WIPI2: variants seen among roughly 807,000 people sequenced by gnomAD.
WIPI2 encodes the protein WD repeat domain phosphoinositide-interacting protein 2.
WIPI2 carries 28 observed loss-of-function variants against 52.3 expected under a neutral mutation model. That is an observed-to-expected ratio of 0.54 (90% confidence interval 0.40 to 0.73). The LOEUF (loss-of-function observed/expected upper bound fraction) is 0.73, where lower values mean the gene tolerates loss of function less well. Among genes scored for constraint, WIPI2 ranks in the 30% least tolerant of loss-of-function variants. WIPI2 has a pLI of 0.00. For missense variants in WIPI2, 506 were observed against 602.9 expected, an observed-to-expected ratio of 0.84 and a Z score of 1.68; for synonymous variants, 268 against 245.0, an observed-to-expected ratio of 1.09 and a Z score of -0.88.
At chr7:5,196,137 C>T (rs1238390194) in intron 2 of WIPI2, among the ~76,000 whole-genome samples, 3 of 151,886 alleles carry the variant, frequency 2.0e-5, no homozygotes, top group Admixed American at 6.6e-5. Flanking sequence ...GTCAAGAGTT[C>T]GAGACCAGAC....
intron 3 of WIPI2, among the ~76,000 whole-genome samples, chr7:5,201,706 A>G (rs1426257764): frequency 1.3e-5 from 2 of 152,228 alleles, no homozygotes; most frequent in African/African-American, 2.4e-5. Flanking sequence ...AGATTGTGCC[A>G]TTGCACTCCA....
intron 7 of WIPI2, among the ~76,000 whole-genome samples, chr7:5,219,515 T>G (rs576372999): frequency 5.0e-4 from 76 of 152,324 alleles, no homozygotes; most frequent in Non-Finnish European, 9.1e-4. Context: ...TGCTCTCATC[T>G]GTGGAGTGAG....
intron 7 of WIPI2, among the ~76,000 whole-genome samples, chr7:5,220,102 C>A (rs904822292): frequency 6.6e-6 from 1 of 152,016 alleles, no homozygotes; most frequent in African/African-American, 2.4e-5. Flanking sequence ...TCCCAAAGTG[C>A]TAGAATTACA....
chr7:5,217,688 G>A (rs1016873714), intron 6 of WIPI2: 13 of 532,582 alleles, frequency 2.4e-5, no homozygotes, highest in African/African-American at 1.9e-4. Flanking sequence ...TCCTCGCCAC[G>A]GGAATGTTTG....
At chr7:5,213,595 A>G (rs1315596868) in intron 3 of WIPI2, among the ~76,000 whole-genome samples, 2 of 152,248 alleles carry the variant, frequency 1.3e-5, no homozygotes, top group Non-Finnish European at 2.9e-5. Flanking sequence ...CATACAGCCT[A>G]GGGGCATAGT....
Position 5,190,240 on chromosome 7 carries a change from G to A in WIPI2, c.-180G>A. The A allele has an allele frequency of 3.2e-6, 1 of 317,154 alleles. No homozygotes were observed. Among genetic ancestry groups the A allele is most frequent in the Non-Finnish European group, 5.5e-6 (1 of 182,130 alleles). 19.6% of individuals were successfully genotyped at this position (317,154 alleles called of 1,614,324 possible). A position where few individuals can be genotyped will look rare whatever the true frequency, so the allele number is the denominator to read the frequency against. On this transcript the variant is annotated 5_prime_UTR_variant, in exon 1 of 13. In the 5' UTR this introduces an upstream ATG that the reference lacks. Transcript: ENST00000288828. ...GGGCGGGGCCGCGCAGGCGTACCGGGTGCCCCGGCTCTGGAGCATAAACAA... is the reference window on the plus strand; with the variant it reads ...GGGCGGGGCCGCGCAGGCGTACCGGATGCCCCGGCTCTGGAGCATAAACAA...
chr7:5,223,521 T>TAGGGA (rs1783256776), intron 8 of WIPI2, among the ~76,000 whole-genome samples: 1 of 152,184 alleles, frequency 6.6e-6, no homozygotes, highest in African/African-American at 2.4e-5. Flanking sequence ...TCTTCTTCCT[T>TAGGGA]ACACCACATC....
chr7:5,222,068 G>A (rs1026203576), intron 7 of WIPI2, among the ~76,000 whole-genome samples: 4 of 150,124 alleles, frequency 2.7e-5, no homozygotes, highest in Admixed American at 6.8e-5. Context: ...TTCTGCCTCA[G>A]CCTCCCGAGT....
intron 3 of WIPI2, among the ~76,000 whole-genome samples, chr7:5,204,958 G>A (rs917632041): frequency 6.6e-6 from 1 of 152,112 alleles, no homozygotes; most frequent in Non-Finnish European, 1.5e-5. Context: ...CTACAGGTGT[G>A]AGCCAACATG....
chr7:5,217,838 T>C (rs978697597), intron 6 of WIPI2, 84 bp from the exon 7 acceptor site: 2 of 1,313,266 alleles, frequency 1.5e-6, no homozygotes, highest in African/African-American at 1.5e-5. Context: ...GAACAGCTAA[T>C]TGGCACTTGC....
rs996492517 is a variant in WIPI2 at position 5,231,216 on chromosome 7, C to T, written c.*269C>T. On this transcript the variant is annotated 3_prime_UTR_variant, in exon 13 of 13. Coordinates refer to ENST00000288828, the MANE Select transcript of WIPI2 (RefSeq NM_015610.4). Reference sequence around the variant, plus strand: ...TGCCAAAATTAACTGTTTGGTGAAGCCCGCAAAACCTCCTCGCTTTGCATG... The same window carrying T: ...TGCCAAAATTAACTGTTTGGTGAAGTCCGCAAAACCTCCTCGCTTTGCATG... 8.2e-6 allele frequency: 3 copies of T among 365,338 alleles called. No individual in the cohort carries two copies. Among genetic ancestry groups the T allele is most frequent in the African/African-American group, 4.2e-5 (2 of 47,476 alleles). 22.6% of individuals were successfully genotyped at this position (365,338 alleles called of 1,614,324 possible).
chr7:5,194,698 C>T (rs1480470621), intron 2 of WIPI2, among the ~76,000 whole-genome samples: 1 of 152,186 alleles, frequency 6.6e-6, no homozygotes, highest in Non-Finnish European at 1.5e-5. Flanking sequence ...TGGTCTCAAA[C>T]TCCTGGCTTC....
intron 7 of WIPI2, among the ~76,000 whole-genome samples, chr7:5,220,785 TTTTC>T (rs573638340): frequency 4.3e-4 from 65 of 151,726 alleles, no homozygotes; most frequent in African/African-American, 9.9e-4. Context: ...TTAGATAGTC[TTTTC>T]TTTCTTTCTT....
In WIPI2 at chr7:5,231,243, A is replaced by G. The variant is rs1175039847; in HGVS notation, c.*296A>G. ...CGCAAAACCTCCTCGCTTTGCATGC[A>G]TGAACGTGCCAAGCCAGCATAGGGG... On this transcript the variant is annotated 3_prime_UTR_variant, in exon 13 of 13. Transcript: ENST00000288828. 3.0e-5 allele frequency: 9 copies of G among 297,336 alleles called. No individual in the cohort carries two copies. In the East Asian group the frequency reaches 5.3e-4, roughly 17 times the overall value. 18.4% of individuals were successfully genotyped at this position (297,336 alleles called of 1,614,324 possible).
chr7:5,193,166 T>C lies in WIPI2; in HGVS notation c.123T>C (p.Val41=). The C allele has an allele frequency of 6.2e-7, 1 of 1,613,648 alleles. No individual in the cohort carries two copies. The highest frequency in any genetic ancestry group is 8.5e-7 in the Non-Finnish European group (1 of 1,180,014). ...SRAAGLGRRA[V]VWSLAVGSKS... The stretch of plus-strand genomic sequence containing the variant: ...CAGCTGGTCTTGGCCGTCGCGCTGT[T>C]GTCTGGTTAGTTCCAACCCTGGTTT... Residue 41 remains valine (V), a synonymous_variant, in exon 2 of 13, where the codon GTT becomes GTC. Transcript: ENST00000288828.
chr7:5,213,448 G>A (rs945307125), intron 3 of WIPI2: 2 of 152,548 alleles, frequency 1.3e-5, no homozygotes, highest in Non-Finnish European at 2.9e-5. Context: ...CCTGTGAGAG[G>A]AGCAGGCCGT....
chr7:5,198,248 C>CAGAG (rs1002680177), intron 2 of WIPI2, among the ~76,000 whole-genome samples: 5 of 152,054 alleles, frequency 3.3e-5, no homozygotes, highest in Non-Finnish European at 5.9e-5. Context: ...TGCAGAAGCA[C>CAGAG]AGAGAGATGC....
Position 5,230,986 on chromosome 7 carries a change from C to T in WIPI2, c.*39C>T. 6.4e-7 allele frequency: 1 copy of T among 1,565,868 alleles called. No homozygotes were observed. The highest frequency in any genetic ancestry group is 8.7e-7 in the Non-Finnish European group (1 of 1,147,410). ...CCTCTGACCCGGGGAGCAGAGAACA[C>T]TGGCTTCACAGAGGACTTTGTGCAT... is the stretch of plus-strand genomic sequence containing the variant. On this transcript the variant is annotated 3_prime_UTR_variant, in exon 13 of 13. Coordinates refer to ENST00000288828, the MANE Select transcript of WIPI2 (RefSeq NM_015610.4). This position sits in a 1 kb window ranked among gnomAD's most constrained non-coding sequence, Gnocchi z 4.8.
intron 4 of WIPI2, among the ~76,000 whole-genome samples, chr7:5,215,208 G>A (rs934659490): frequency 6.6e-6 from 1 of 152,136 alleles, no homozygotes; most frequent in Non-Finnish European, 1.5e-5. Context: ...CTACTCGGGA[G>A]GCTGAGGCAG....
Sources: allele counts gnomAD v4.1 joint callset (sites outside exome capture counted in the v4.1 genomes callset), GRCh38; gene constraint gnomAD v4.1.1; non-coding constraint Gnocchi (gnomAD v3.1); transcripts MANE v1.5; gene names NCBI Gene and HGNC (gene_info 2026-07-23, HGNC 2026-07-21).